NRAP: variants seen among roughly 807,000 people sequenced by gnomAD.
NRAP encodes nebulin related anchoring protein, also known as nebulin-related-anchoring protein.
A neutral mutation model predicts 225.9 loss-of-function variants in NRAP; 189 were observed. The observed-to-expected ratio is 0.84, with a 90% CI of 0.74 to 0.94. NRAP has a LOEUF of 0.94. NRAP is among the 40% of genes least tolerant of loss of function. NRAP has a pLI of 0.00. For missense variants in NRAP, 2,176 were observed against 2,168.7 expected, an observed-to-expected ratio of 1.00 and a Z score of -0.07; for synonymous variants, 769 against 790.7, an observed-to-expected ratio of 0.97 and a Z score of 0.46.
intron 3 of NRAP, among the ~76,000 whole-genome samples, chr10:113,659,632 G>A (rs902870706): frequency 1.6e-4 from 25 of 152,188 alleles, no homozygotes; most frequent in African/African-American, 5.3e-4. Flanking sequence ...AAGGAAGCAT[G>A]AAGGGCTAAA....
chr10:113,646,835 G>T, intron 10 of NRAP, 88 bp downstream of exon 10: 1 of 884,390 alleles, frequency 1.1e-6, no homozygotes, highest in Non-Finnish European at 1.9e-6. Flanking sequence ...TATAATAAAT[G>T]TATCTGTGTG....
intron 23 of NRAP, among the ~76,000 whole-genome samples, chr10:113,622,451 T>C (rs1297435968): frequency 6.6e-6 from 1 of 152,144 alleles, no homozygotes; most frequent in African/African-American, 2.4e-5. Context: ...GCATACAGAA[T>C]AGCCAAAGTA....
rs1474255992 is a variant in NRAP, at chr10:113,663,519, G to GT, written c.73-74dup. 6.3e-6 allele frequency: 6 copies of GT among 950,978 alleles called. No individual in the cohort carries two copies. In the East Asian group the frequency reaches 1.5e-4, roughly 24 times the overall value. The allele number at this position is 950,978 out of a possible 1,614,324, so 58.9% of individuals were successfully genotyped here. A position where few individuals can be genotyped will look rare whatever the true frequency, so the allele number is the denominator to read the frequency against. ...ACTCAAGGTTCTTATATATTTTAGG[G>GT]TAAAAAAATGAACTTCGAGGATAAA... On this transcript the variant is annotated intron_variant, in intron 1 of 41. Coordinates refer to ENST00000359988, the MANE Select transcript of NRAP (RefSeq NM_198060.4).
chr10:113,621,324 C>T (rs538617665), intron 24 of NRAP, among the ~76,000 whole-genome samples: 1 of 152,162 alleles, frequency 6.6e-6, no homozygotes, highest in South Asian at 2.1e-4. Context: ...TACACACACA[C>T]ACACACACAC....
chr10:113,604,762 A>T lies in NRAP; in HGVS notation c.4074T>A (p.His1358Gln). ...RGATSSQAQF[H>Q]LPMDMVHLVH... is the part of the protein sequence containing the mutation. ...CCAGGTGCACCATGTCCATGGGCAG[A>T]TGGAACTGGGCTTGGCTGCTGGTCG... The change falls in exon 35 of 42, where the codon CAT becomes CAA. Residue 1358 changes from histidine to glutamine, a missense_variant. By Grantham distance (24) the His-to-Gln change is conservative. Transcript: ENST00000359988. The T allele has an allele frequency of 6.2e-7, 1 of 1,614,170 alleles. No individual in the cohort carries two copies. Among genetic ancestry groups the T allele is most frequent in the Non-Finnish European group, 8.5e-7 (1 of 1,180,028 alleles).
chr10:113,654,176 C>G, intron 4 of NRAP, 51 bp from the exon 5 acceptor site: 1 of 998,840 alleles, frequency 1.0e-6, no homozygotes, highest in Non-Finnish European at 1.6e-6. Context: ...AGACTCCCAG[C>G]AACACTTACA....
chr10:113,592,373 C>A (rs1217464831), intron 38 of NRAP, 72 bp from the exon 39 acceptor site: 5 of 1,008,920 alleles, frequency 5.0e-6, no homozygotes, highest in Non-Finnish European at 7.6e-6. Context: ...TGGTACTCAG[C>A]AGGAGTGGTT....
intron 25 of NRAP, among the ~76,000 whole-genome samples, 191 bp downstream of exon 25, chr10:113,620,413 G>C (rs922550506): frequency 1.3e-5 from 2 of 152,058 alleles, no homozygotes; most frequent in Non-Finnish European, 2.9e-5. Flanking sequence ...CTTTGTTTTT[G>C]CCAGGGCCCC....
intron 26 of NRAP, among the ~76,000 whole-genome samples, chr10:113,617,147 C>T (rs1247231677): frequency 6.6e-6 from 1 of 152,172 alleles, no homozygotes; most frequent in Non-Finnish European, 1.5e-5. Context: ...ACAACACTTT[C>T]AGGCAAAAGG....
intron 20 of NRAP, among the ~76,000 whole-genome samples, chr10:113,627,942 T>G (rs1042428119): frequency 3.3e-5 from 5 of 152,218 alleles, no homozygotes; most frequent in Admixed American, 1.3e-4. Flanking sequence ...TGGCAGCTAT[T>G]ATTATCACCA....
At chr10:113,661,405 T>C (rs1850669299) in intron 3 of NRAP, among the ~76,000 whole-genome samples, 1 of 152,206 alleles carries the variant, frequency 6.6e-6, no homozygotes, top group African/African-American at 2.4e-5. Flanking sequence ...GCAAGGTCAC[T>C]ACCTCTATCT....
At chr10:113,630,641 C>A (rs904224343) in intron 18 of NRAP, among the ~76,000 whole-genome samples, 2 of 152,186 alleles carry the variant, frequency 1.3e-5, no homozygotes, top group African/African-American at 4.8e-5. Flanking sequence ...GCTGCTCCAA[C>A]TGCAAATATG....
chr10:113,613,879 T>C (rs1242279265), intron 29 of NRAP, among the ~76,000 whole-genome samples: 2 of 152,030 alleles, frequency 1.3e-5, no homozygotes, highest in Non-Finnish European at 2.9e-5. Flanking sequence ...GCAGACGAAA[T>C]GAAAGACCCC....
intron 5 of NRAP, 96 bp from the exon 6 acceptor site, chr10:113,653,135 G>C: frequency 1.5e-6 from 1 of 673,582 alleles, no homozygotes; most frequent in Non-Finnish European, 2.5e-6. Flanking sequence ...GATTCATAAA[G>C]TTCTTCGGAA....
chr10:113,603,858 T>C (rs1006623892), intron 35 of NRAP, among the ~76,000 whole-genome samples: 1 of 152,162 alleles, frequency 6.6e-6, no homozygotes, highest in Non-Finnish European at 1.5e-5. Flanking sequence ...ACTACCCTAA[T>C]GCCCTATTTT....
chr10:113,590,501 G>T, intron 40 of NRAP, 77 bp downstream of exon 40: 1 of 1,416,276 alleles, frequency 7.1e-7, no homozygotes, highest in Non-Finnish European at 9.7e-7. Flanking sequence ...GCTAACAATG[G>T]AACGTGGCAT....
chr10:113,657,590 G>A lies in NRAP; in HGVS notation c.256-16C>T. ...GGTCATGGATCTGCTCAAGGAAGAT[G>A]TTGTCAGTAATGTTTCCATCAGAAA... is the stretch of plus-strand genomic sequence containing the variant. On this transcript the variant is annotated splice_polypyrimidine_tract_variant and intron_variant, in intron 3 of 41. Transcript: ENST00000359988. The A allele has an allele frequency of 7.5e-7, 1 of 1,333,576 alleles. No homozygotes were observed. Among genetic ancestry groups the A allele is most frequent in the East Asian group, 2.3e-5 (1 of 43,510 alleles). The allele number at this position is 1,333,576 out of a possible 1,614,324, so 82.6% of individuals were successfully genotyped here. A position where few individuals can be genotyped will look rare whatever the true frequency, so the allele number is the denominator to read the frequency against.
At chr10:113,617,388 G>T in intron 26 of NRAP, 67 bp downstream of exon 26, 1 of 980,614 alleles carries the variant, frequency 1.0e-6, no homozygotes, top group Admixed American at 1.7e-5. Context: ...GAACCCCTCC[G>T]CTTCAATCGC....
chr10:113,636,598 C>A (rs1482081024), intron 14 of NRAP, among the ~76,000 whole-genome samples: 1 of 152,168 alleles, frequency 6.6e-6, no homozygotes, highest in Non-Finnish European at 1.5e-5. Context: ...TGTGATGCAA[C>A]AAATAGGGCG....
Sources: allele counts gnomAD v4.1 joint callset (sites outside exome capture counted in the v4.1 genomes callset), GRCh38; gene constraint gnomAD v4.1.1; transcripts MANE v1.5; gene names NCBI Gene and HGNC (gene_info 2026-07-23, HGNC 2026-07-21).